WDFY3: variants seen among roughly 807,000 people sequenced by gnomAD.
The protein encoded by WDFY3 is WD repeat and FYVE domain-containing protein 3.
A neutral mutation model predicts 409.6 loss-of-function variants in WDFY3; 66 were observed. That is an observed-to-expected ratio of 0.16 (90% CI 0.13 to 0.20). The LOEUF (loss-of-function observed/expected upper bound fraction) is 0.20, where lower values mean the gene tolerates loss of function less well. Among genes scored for constraint, WDFY3 ranks in the 10% least tolerant of loss-of-function variants. The pLI is 1.00. For synonymous variants in WDFY3, 1,521 were observed against 1,537.1 expected (o/e 0.99, Z 0.25); for missense variants, 3,031 against 4,298.1 (o/e 0.71, Z 8.24).
chr4:84,842,300 A>G (rs1477966215), intron 5 of WDFY3, among the ~76,000 whole-genome samples: 1 of 152,026 alleles, frequency 6.6e-6, no homozygotes, highest in African/African-American at 2.4e-5. Context: ...AACATGGAGA[A>G]ACCCCATCTC....
chr4:84,897,098 C>T (rs1005122925), intron 2 of WDFY3, 88 bp from the exon 3 acceptor site: 3 of 152,238 alleles, frequency 2.0e-5, no homozygotes, highest in African/African-American at 7.2e-5. Flanking sequence ...CTAACTATCT[C>T]ATACATGAGG....
In WDFY3 at chr4:84,740,461, A is replaced by G. The variant is rs1484269491; in HGVS notation, c.6235-45T>C. ...GTTTTTAGTATAATAGACAAAAGTA[A>G]AACACCTGTTAATCATTCATACATG... On this transcript the variant is annotated intron_variant, in intron 38 of 67. Coordinates refer to ENST00000295888, the MANE Select transcript of WDFY3 (RefSeq NM_014991.6). 5 of 1,585,124 alleles carry G rather than the reference A, an allele frequency of 3.2e-6. No individual in the cohort carries two copies. The African/African-American group carries it at 5.4e-5, about 17-fold the overall frequency.
chr4:84,798,901 A>G (rs183947250), intron 17 of WDFY3, among the ~76,000 whole-genome samples: 65 of 152,208 alleles, frequency 4.3e-4, no homozygotes, highest in African/African-American at 1.4e-3. Context: ...TCTGTAGTTG[A>G]AAACACAAAA....
Position 84,679,235 on chromosome 4 carries a change from T to C in WDFY3, c.9831A>G (p.Glu3277=), listed in dbSNP as rs1726898008. 2 of 1,529,906 alleles carry C rather than the reference T, an allele frequency of 1.3e-6. No homozygotes were observed. Among genetic ancestry groups the C allele is most frequent in the Non-Finnish European group, 1.8e-6 (2 of 1,133,180 alleles). 94.8% of individuals were successfully genotyped at this position (1,529,906 alleles called of 1,614,324 possible). Residue 3277 remains glutamate (E), a synonymous_variant, in exon 65 of 68, where the codon GAA becomes GAG. Coordinates refer to ENST00000295888, the MANE Select transcript of WDFY3 (RefSeq NM_014991.6). ...AATCACTGCTGTCCTCGTCTTGGGC[T>C]TCCTGCCCTGGGTGAAGCATTGAGA... ...EDCPEAQIGQ[E]AQDEDSSDSE...
chr4:84,868,673 T>G (rs1761766828), intron 3 of WDFY3, among the ~76,000 whole-genome samples: 1 of 152,160 alleles, frequency 6.6e-6, no homozygotes, highest in African/African-American at 2.4e-5. Flanking sequence ...TTAAGAATAT[T>G]TCACTTACAT....
At chr4:84,751,818 T>A in intron 35 of WDFY3, 102 bp from the exon 36 acceptor site, 1 of 1,237,906 alleles carries the variant, frequency 8.1e-7, no homozygotes, top group Non-Finnish European at 1.2e-6. Flanking sequence ...ATTTTCCACC[T>A]ATTAAGCTAT....
At chr4:84,782,875 C>T (rs964719654) in intron 25 of WDFY3, 88 bp downstream of exon 25, 4 of 1,194,186 alleles carry the variant, frequency 3.3e-6, no homozygotes, top group African/African-American at 3.0e-5. Flanking sequence ...AAAATATGAA[C>T]TTAAATACTG....
intron 52 of WDFY3, 89 bp from the exon 53 acceptor site, chr4:84,709,117 G>T: frequency 2.0e-6 from 3 of 1,524,212 alleles, no homozygotes; most frequent in Non-Finnish European, 2.7e-6. Flanking sequence ...TGATGTAAAG[G>T]ACAGTTTCTT....
At chr4:84,840,295 A>C (rs755824897) in intron 6 of WDFY3, among the ~76,000 whole-genome samples, 2 of 152,262 alleles carry the variant, frequency 1.3e-5, no homozygotes, top group Non-Finnish European at 2.9e-5. Flanking sequence ...AATAAAAAGC[A>C]ATCTCCAGAA....
chr4:84,736,282 G>A lies in WDFY3; in HGVS notation c.6803C>T (p.Thr2268Ile). 1 of 1,611,948 alleles carries A rather than the reference G, an allele frequency of 6.2e-7. No homozygotes were observed. The highest frequency in any genetic ancestry group is 8.5e-7 in the Non-Finnish European group (1 of 1,178,826). ...GACACGGGATAATTTGGACTGTGTG[G>A]TGGGCGCTAAAGCTTCTCCTCGACT... ...CISRGEALAP[T>I]TQSKLSRVSS... The change falls in exon 42 of 68, where the codon ACC (threonine) becomes ATC (isoleucine). Residue 2268 changes from threonine (T) to isoleucine (I), a missense_variant. Physicochemically the swap from Thr to Ile is moderately conservative, Grantham distance 89. Around this residue, in one of 16 missense-constraint regions of WDFY3, gnomAD observed 98 missense variants for 194.9 expected, o/e 0.50. Transcript: ENST00000295888.
At chr4:84,844,521 A>G (rs1757816664) in intron 5 of WDFY3, 1 of 1,289,596 alleles carries the variant, frequency 7.8e-7, no homozygotes, top group African/African-American at 1.5e-5. Flanking sequence ...TGTTTAAAAA[A>G]AAAGGCTGGG....
chr4:84,717,097 A>G lies in WDFY3; in HGVS notation c.7755-81T>C, dbSNP rs1440795147. On this transcript the variant is annotated intron_variant, in intron 48 of 67. Transcript: ENST00000295888. The stretch of plus-strand genomic sequence containing the variant: ...GTTCCATAAAGGGCGTGCTAATTTT[A>G]AACACATGAACAGGATGGAGGAGTA... 2.8e-6 allele frequency: 4 copies of G among 1,403,784 alleles called. No individual in the cohort carries two copies. In the Middle Eastern group the frequency reaches 5.7e-4, roughly 200 times the overall value. 87.0% of individuals were successfully genotyped at this position (1,403,784 alleles called of 1,614,324 possible).
intron 3 of WDFY3, among the ~76,000 whole-genome samples, chr4:84,896,179 C>T (rs1314143759): frequency 6.6e-6 from 1 of 151,960 alleles, no homozygotes; most frequent in Non-Finnish European, 1.5e-5. Context: ...TCGCTTGAAC[C>T]GGGGAGGCAG....
At chr4:84,806,021 C>T (rs1751441294) in intron 15 of WDFY3, among the ~76,000 whole-genome samples, 1 of 152,158 alleles carries the variant, frequency 6.6e-6, no homozygotes, top group South Asian at 2.1e-4. Context: ...ACATGTCAGA[C>T]AAGTATCACA....
chr4:84,795,471 A>G (rs1363704777), intron 19 of WDFY3, among the ~76,000 whole-genome samples: 2 of 152,252 alleles, frequency 1.3e-5, no homozygotes, highest in Non-Finnish European at 2.9e-5. Flanking sequence ...TTATGAATTA[A>G]CACTCTAAGC....
At chr4:84,809,795 T>C (rs1338440138) in intron 14 of WDFY3, 92 bp downstream of exon 14, 5 of 1,156,012 alleles carry the variant, frequency 4.3e-6, no homozygotes, top group East Asian at 5.0e-5. Context: ...TCTGTTTTCA[T>C]ATTCTTTTGG....
At chr4:84,703,106 A>C (rs945206806) in intron 55 of WDFY3, among the ~76,000 whole-genome samples, 1 of 152,052 alleles carries the variant, frequency 6.6e-6, no homozygotes, top group African/African-American at 2.4e-5. Context: ...AAAAAAAAAA[A>C]AACCAAACAA....
chr4:84,859,548 T>C (rs964403600), intron 4 of WDFY3, among the ~76,000 whole-genome samples: 1 of 152,224 alleles, frequency 6.6e-6, no homozygotes, highest in African/African-American at 2.4e-5. Flanking sequence ...GATGTATTTG[T>C]GAACTTCTGA....
chr4:84,912,454 A>G (rs975085527), intron 2 of WDFY3, among the ~76,000 whole-genome samples: 9 of 152,354 alleles, frequency 5.9e-5, no homozygotes, highest in Admixed American at 2.0e-4. Flanking sequence ...CAGGGTTGCT[A>G]TAAGAAAGGC....
Sources: gnomAD v4.1 joint callset for allele counts (sites outside exome capture counted in the v4.1 genomes callset) on GRCh38, gnomAD v4.1.1 for gene constraint, gnomAD v4.1.1 regional missense constraint, MANE v1.5 for transcripts, NCBI Gene and HGNC (gene_info 2026-07-23, HGNC 2026-07-21) for gene names.